RIMS2: variants seen among roughly 807,000 people sequenced by gnomAD.
RIMS2 encodes regulating synaptic membrane exocytosis protein 2.
A neutral mutation model predicts 174.4 loss-of-function variants in RIMS2; 59 were observed. The observed-to-expected ratio is 0.34, with a 90% CI of 0.27 to 0.42. RIMS2 has a LOEUF of 0.42. Ranked by LOEUF, RIMS2 falls within the 10% of genes least tolerant of loss-of-function variation. The pLI is 1.00. For synonymous variants in RIMS2, 606 were observed against 572.5 expected (o/e 1.06, Z -0.84); for missense variants, 1,620 against 1,666.3 (o/e 0.97, Z 0.48).
chr8:103,528,858 T>C (rs934113373), intron 1 of RIMS2, among the ~76,000 whole-genome samples: 6 of 152,222 alleles, frequency 3.9e-5, no homozygotes, highest in Non-Finnish European at 8.8e-5. Flanking sequence ...TGGCTTAGGA[T>C]TGACTTAGCA....
At chr8:104,212,659 T>C (rs2099110603) in intron 19 of RIMS2, among the ~76,000 whole-genome samples, 1 of 152,210 alleles carries the variant, frequency 6.6e-6, no homozygotes, top group African/African-American at 2.4e-5. Flanking sequence ...ATGATTTCTT[T>C]ACTCAAGAGA....
At chr8:104,153,123 T>C (rs2098700123) in intron 19 of RIMS2, among the ~76,000 whole-genome samples, 1 of 152,116 alleles carries the variant, frequency 6.6e-6, no homozygotes, top group African/African-American at 2.4e-5. Flanking sequence ...CCAACACACA[T>C]AGAGGCTAAG....
intron 19 of RIMS2, among the ~76,000 whole-genome samples, chr8:104,057,181 C>T (rs1440498529): frequency 1.3e-5 from 2 of 151,642 alleles, no homozygotes; most frequent in African/African-American, 4.8e-5. Context: ...ATCCTCCTTC[C>T]TCAGCTTCCC....
chr8:103,797,612 A>G, intron 3 of RIMS2, among the ~76,000 whole-genome samples: 1 of 152,212 alleles, frequency 6.6e-6, no homozygotes, highest in Non-Finnish European at 1.5e-5. Flanking sequence ...CTTAACATGC[A>G]TAAAAGAATT....
At chr8:103,752,786 A>G (rs980748311) in intron 2 of RIMS2, among the ~76,000 whole-genome samples, 2 of 152,142 alleles carry the variant, frequency 1.3e-5, no homozygotes, top group African/African-American at 4.8e-5. Context: ...TTGATTTTGT[A>G]TCCTGAGACT....
chr8:103,512,842 C>T (rs1827202910), intron 1 of RIMS2, among the ~76,000 whole-genome samples: 1 of 152,052 alleles, frequency 6.6e-6, no homozygotes, highest in Admixed American at 6.6e-5. Flanking sequence ...TATCAACATA[C>T]AAATTGATGA....
intron 19 of RIMS2, among the ~76,000 whole-genome samples, chr8:104,212,706 A>G (rs2099110818): frequency 6.6e-6 from 1 of 152,142 alleles, no homozygotes; most frequent in South Asian, 2.1e-4. Flanking sequence ...TGTGTACTTC[A>G]CTAATTAGTA....
chr8:103,666,150 G>GATGT (rs2096666274), intron 1 of RIMS2, among the ~76,000 whole-genome samples: 1 of 152,272 alleles, frequency 6.6e-6, no homozygotes, highest in South Asian at 2.1e-4. Context: ...AAAGGAAAAT[G>GATGT]ATGTACAGAA....
At chr8:103,827,064 G>A (rs574763179) in intron 3 of RIMS2, among the ~76,000 whole-genome samples, 1 of 152,206 alleles carries the variant, frequency 6.6e-6, no homozygotes, top group African/African-American at 2.4e-5. Context: ...TTTGTAGATT[G>A]ATTTGGGAAG....
chr8:104,224,256 A>C (rs958714907), intron 19 of RIMS2, among the ~76,000 whole-genome samples: 1 of 152,214 alleles, frequency 6.6e-6, no homozygotes, highest in Non-Finnish European at 1.5e-5. Context: ...AAGGGGTTAC[A>C]CAGTGGACAG....
At position 104,118,372 on chromosome 8, in the gene RIMS2, T is replaced by TTTTTTG. The variant is rs746844070; in HGVS notation, c.3334+103762_3334+103763insGTTTTT. On this transcript the variant is annotated intron_variant, in intron 19 of 23. Transcript: ENST00000504942. ...ATTTTTTGTTTTTTTGTTTTTTTGT[T>TTTTTTG]TTTTTTTTTTTTGAGACAGGGTCTT... Among the ~76,000 whole-genome samples, 22 of 78,032 alleles carry TTTTTTG rather than the reference T, an allele frequency of 2.8e-4. No homozygotes were observed. The East Asian group carries it at 3.9e-3, about 14-fold the overall frequency. The allele number at this position is 78,032 out of a possible 152,430, so 51.2% of individuals were successfully genotyped here.
intron 1 of RIMS2, among the ~76,000 whole-genome samples, chr8:103,525,302 C>T (rs1420014719): frequency 6.6e-6 from 1 of 152,094 alleles, no homozygotes; most frequent in Non-Finnish European, 1.5e-5. Context: ...CCCCTGTTAA[C>T]TTAAACAGAA....
chr8:103,948,475 T>C (rs1362303868), intron 14 of RIMS2, among the ~76,000 whole-genome samples: 3 of 152,190 alleles, frequency 2.0e-5, no homozygotes, highest in African/African-American at 2.4e-5. Flanking sequence ...ATCCTCACAA[T>C]TGATTTCTAT....
At chr8:103,768,200 A>G (rs2098201597) in intron 3 of RIMS2, 1 of 385,360 alleles carries the variant, frequency 2.6e-6, no homozygotes, top group Non-Finnish European at 4.9e-6. Flanking sequence ...GAATTTTTAA[A>G]AAATGAGTGA....
chr8:103,537,540 G>C (rs1215297063), intron 1 of RIMS2, among the ~76,000 whole-genome samples: 1 of 152,062 alleles, frequency 6.6e-6, no homozygotes, highest in Admixed American at 6.6e-5. Context: ...TTCTAAGCCT[G>C]GTTTTTAAGC....
At chr8:104,238,453 C>T (rs543351591) in intron 19 of RIMS2, among the ~76,000 whole-genome samples, 1 of 149,836 alleles carries the variant, frequency 6.7e-6, no homozygotes, top group Admixed American at 6.7e-5. Flanking sequence ...TATCCCAGAA[C>T]TTAAAGTAAA....
intron 19 of RIMS2, among the ~76,000 whole-genome samples, chr8:104,084,732 C>A (rs2097504734): frequency 6.6e-6 from 1 of 151,952 alleles, no homozygotes; most frequent in African/African-American, 2.4e-5. Flanking sequence ...TCATCATGGA[C>A]TATGCCTAGT....
chr8:104,150,554 T>C (rs1271163227), intron 19 of RIMS2, among the ~76,000 whole-genome samples: 3 of 152,080 alleles, frequency 2.0e-5, no homozygotes, highest in African/African-American at 2.4e-5. Flanking sequence ...TCATCAGAGG[T>C]GTCATCTCAG....
At chr8:103,726,463 A>G (rs186216001) in intron 2 of RIMS2, among the ~76,000 whole-genome samples, 4 of 152,108 alleles carry the variant, frequency 2.6e-5, no homozygotes, top group Admixed American at 2.6e-4. Flanking sequence ...CCCTATCTCA[A>G]GGATGCAAGG....
Sources: gnomAD v4.1 joint callset for allele counts (sites outside exome capture counted in the v4.1 genomes callset) on GRCh38, gnomAD v4.1.1 for gene constraint, MANE v1.5 for transcripts, NCBI Gene and HGNC (gene_info 2026-07-23, HGNC 2026-07-21) for gene names.